The following TMEFF2 variants were observed in gnomAD, a reference collection of about 807,000 sequenced individuals.
TMEFF2 encodes transmembrane protein with EGF like and two follistatin like domains 2, also known as tomoregulin-2.
In TMEFF2, 28 loss-of-function variants were observed where a neutral mutation model predicts 53.8. The observed-to-expected ratio is 0.52, with a 90% confidence interval of 0.39 to 0.71. The LOEUF (loss-of-function observed/expected upper bound fraction) is 0.71. Ranked by LOEUF, TMEFF2 falls within the 30% of genes least tolerant of loss-of-function variation. The pLI is 0.00. For missense variants in TMEFF2, 353 were observed against 455.2 expected (o/e 0.78, Z 2.04); for synonymous variants, 162 against 166.3 (o/e 0.97, Z 0.20).
chr2:192,167,241 G>C (rs1028919954), intron 4 of TMEFF2, among the ~76,000 whole-genome samples: 1 of 152,098 alleles, frequency 6.6e-6, no homozygotes, highest in Admixed American at 6.6e-5. Flanking sequence ...AGCATTAAAT[G>C]CTATTTTAGA....
intron 5 of TMEFF2, among the ~76,000 whole-genome samples, chr2:192,015,302 C>G (rs1686718956): frequency 7.9e-6 from 1 of 127,178 alleles, no homozygotes; most frequent in Admixed American, 9.0e-5. Flanking sequence ...GAGGCTATCA[C>G]TGAAGCTTTT....
chr2:192,076,720 T>C (rs1043577186), intron 4 of TMEFF2, among the ~76,000 whole-genome samples: 1 of 152,130 alleles, frequency 6.6e-6, no homozygotes, highest in Non-Finnish European at 1.5e-5. Flanking sequence ...GAGAGTGAAA[T>C]TGAAGGAAGC....
At chr2:191,971,552 T>C (rs1473174943) in intron 7 of TMEFF2, among the ~76,000 whole-genome samples, 1 of 152,222 alleles carries the variant, frequency 6.6e-6, no homozygotes, top group African/African-American at 2.4e-5. Context: ...ACAACTTTTG[T>C]TTCTTGATGT....
chr2:191,998,300 TTAG>T lies in TMEFF2; in HGVS notation c.704_706del (p.Thr235del). 6.3e-7 allele frequency: 1 copy of T among 1,599,640 alleles called. No individual in the cohort carries two copies. Among genetic ancestry groups the T allele is most frequent in the Non-Finnish European group, 8.5e-7 (1 of 1,173,698 alleles). On this transcript the variant is annotated inframe_deletion, in exon 7 of 10. Transcript: ENST00000272771. ...TCTTGCATAATGCCCATCTTCAGAC[TTAG>T]TAGTTGTAGTTGTGTTATCTGTGTT...
intron 7 of TMEFF2, among the ~76,000 whole-genome samples, chr2:191,988,863 A>G (rs1243468103): frequency 6.6e-6 from 1 of 152,164 alleles, no homozygotes; most frequent in East Asian, 1.9e-4. Context: ...AACGCTATCA[A>G]ACATTGATAA....
At chr2:192,186,813 A>G (rs1691326375) in intron 2 of TMEFF2, among the ~76,000 whole-genome samples, 1 of 152,130 alleles carries the variant, frequency 6.6e-6, no homozygotes, top group Non-Finnish European at 1.5e-5. Flanking sequence ...TTACTCAAAT[A>G]TAAAGTCAGT....
chr2:192,160,934 T>C (rs555538392), intron 4 of TMEFF2, among the ~76,000 whole-genome samples: 1 of 152,228 alleles, frequency 6.6e-6, no homozygotes, highest in Non-Finnish European at 1.5e-5. Flanking sequence ...AAGAGATCTT[T>C]AAATCCGAGA....
chr2:191,964,319 C>CTTTCTTT (rs1559063235), intron 7 of TMEFF2, among the ~76,000 whole-genome samples: 1 of 133,734 alleles, frequency 7.5e-6, no homozygotes, highest in African/African-American at 3.0e-5. Flanking sequence ...TTCTTTCCTT[C>CTTTCTTT]CTTCCTTTCT....
chr2:192,103,715 C>G (rs1458316587), intron 4 of TMEFF2, among the ~76,000 whole-genome samples: 1 of 151,932 alleles, frequency 6.6e-6, no homozygotes. Context: ...TTACAGGGCT[C>G]TCTTGGTAAG....
intron 4 of TMEFF2, among the ~76,000 whole-genome samples, chr2:192,115,428 A>G (rs1292137055): frequency 6.6e-6 from 1 of 151,980 alleles, no homozygotes; most frequent in Non-Finnish European, 1.5e-5. Flanking sequence ...CATCTTGGCA[A>G]TTATTTTTTG....
intron 4 of TMEFF2, among the ~76,000 whole-genome samples, chr2:192,063,706 A>C (rs1688103088): frequency 6.6e-6 from 1 of 151,760 alleles, no homozygotes; most frequent in African/African-American, 2.4e-5. Context: ...TTGTTTTGTC[A>C]GTTTTTGTCT....
chr2:192,011,584 G>A (rs1447959691), intron 5 of TMEFF2, among the ~76,000 whole-genome samples: 1 of 152,150 alleles, frequency 6.6e-6, no homozygotes, highest in Non-Finnish European at 1.5e-5. Flanking sequence ...AATAGTAAGT[G>A]GATGCTACAG....
intron 4 of TMEFF2, among the ~76,000 whole-genome samples, chr2:192,130,346 G>T (rs1689786547): frequency 6.6e-6 from 1 of 151,746 alleles, no homozygotes; most frequent in South Asian, 2.1e-4. Context: ...ATTTTTAGAT[G>T]AAAATTTTAG....
chr2:192,054,509 C>T (rs1250540326), intron 5 of TMEFF2, among the ~76,000 whole-genome samples: 1 of 152,078 alleles, frequency 6.6e-6, no homozygotes, highest in African/African-American at 2.4e-5. Context: ...TGCCACTATC[C>T]TTGCCCATAT....
chr2:192,025,041 C>T (rs1271390712), intron 5 of TMEFF2, among the ~76,000 whole-genome samples: 1 of 151,992 alleles, frequency 6.6e-6, no homozygotes, highest in African/African-American at 2.4e-5. Flanking sequence ...TAGACTAATG[C>T]CAAGATGAAG....
chr2:191,981,789 A>G (rs1285167450), intron 7 of TMEFF2, among the ~76,000 whole-genome samples: 3 of 152,176 alleles, frequency 2.0e-5, no homozygotes, highest in African/African-American at 7.2e-5. Flanking sequence ...ACATTTATCA[A>G]TCCTCATAAG....
chr2:192,036,050 A>G (rs1687284798), intron 5 of TMEFF2: 1 of 152,238 alleles, frequency 6.6e-6, no homozygotes, highest in African/African-American at 2.4e-5. Flanking sequence ...GTAGACTCCA[A>G]ATACAAGAGG....
intron 4 of TMEFF2, among the ~76,000 whole-genome samples, chr2:192,101,379 T>C (rs1689028304): frequency 6.6e-6 from 1 of 152,178 alleles, no homozygotes. Context: ...AAAAAAACTC[T>C]AGAGGATCAT....
At chr2:191,963,431 T>C (rs1023165443) in intron 7 of TMEFF2, among the ~76,000 whole-genome samples, 1 of 152,200 alleles carries the variant, frequency 6.6e-6, no homozygotes, top group Admixed American at 6.5e-5. Flanking sequence ...AGGTCCCATC[T>C]ACTCTAGTCT....
Sources: allele counts gnomAD v4.1 joint callset (sites outside exome capture counted in the v4.1 genomes callset), GRCh38; gene constraint gnomAD v4.1.1; transcripts MANE v1.5; gene names NCBI Gene and HGNC (gene_info 2026-07-23, HGNC 2026-07-21).